Variants in IL17D observed in about 807,000 individuals in gnomAD.
IL17D encodes interleukin-17D.
In IL17D, 10 loss-of-function variants were observed where a neutral mutation model predicts 5.7. The ratio of observed to expected loss-of-function variants is 1.75; its 90% CI spans 1.08 to 2.97. The LOEUF (loss-of-function observed/expected upper bound fraction) is 2.97, where lower values mean the gene tolerates loss of function less well. Among genes scored for constraint, IL17D ranks in the 30% most tolerant of loss-of-function variants. The pLI, the probability that IL17D is intolerant of heterozygous loss-of-function variation, is 0.00. For missense variants in IL17D, 354 were observed against 292.7 expected (o/e 1.21, Z -1.53); for synonymous variants, 172 against 141.7 (o/e 1.21, Z -1.52).
chr13:20,722,126 G>A lies in IL17D; in HGVS notation c.*172G>A. The A allele has an allele frequency of 1.7e-6, 1 of 586,380 alleles. No individual in the cohort carries two copies. Among genetic ancestry groups the A allele is most frequent in the South Asian group, 2.3e-5 (1 of 43,232 alleles). The allele number at this position is 586,380 out of a possible 1,614,324, so 36.3% of individuals were successfully genotyped here. A position where few individuals can be genotyped will look rare whatever the true frequency, so the allele number is the denominator to read the frequency against. On this transcript the variant is annotated 3_prime_UTR_variant, in exon 2 of 2. Coordinates refer to ENST00000682841, the MANE Select transcript of IL17D (RefSeq NM_001385224.1). ...CTCGTAAGCAGCTTCATCTGACACG[G>A]GCATCCCTGGCTTGCTTTTAGCTAC...
Position 20,707,270 on chromosome 13 carries a change from C to T in IL17D, c.290+2979C>T, listed in dbSNP as rs746688076. Reference sequence around the variant, plus strand: ...CTTGAGCCCAGGAGTTTGAGACCAGCCTGGGCAACATAGTATGAGACTTAT... The same window carrying T: ...CTTGAGCCCAGGAGTTTGAGACCAGTCTGGGCAACATAGTATGAGACTTAT... On this transcript the variant is annotated intron_variant, in intron 1 of 1. Coordinates refer to ENST00000682841, the MANE Select transcript of IL17D (RefSeq NM_001385224.1). Among the ~76,000 whole-genome samples the T allele has an allele frequency of 1.6e-3, 241 of 151,860 alleles. 1 individual carries two copies. The highest frequency in any genetic ancestry group is 5.6e-3 in the African/African-American group (231 of 41,396).
At chr13:20,701,902 C>T (rs538000598), upstream of IL17D, 1 of 152,290 alleles carries the variant, frequency 6.6e-6, no homozygotes, top group African/African-American at 2.4e-5. Context: ...CTTCCCACTT[C>T]CAAGGTAATC....
At chr13:20,711,724 T>C (rs1450951192) in intron 1 of IL17D, among the ~76,000 whole-genome samples, 1 of 152,156 alleles carries the variant, frequency 6.6e-6, no homozygotes, top group Non-Finnish European at 1.5e-5. Flanking sequence ...AGAACCCAAG[T>C]ACCAGAATTT....
Position 20,704,154 on chromosome 13 carries a change from C to A in IL17D, c.153C>A (p.Leu51=). The part of the protein sequence containing the change: ...QLYGRLAAGV[L]SAFHHTLQLG... ...ACGGGCGCCTGGCGGCCGGCGTGCTCAGTGCCTTCCACCACACGCTGCAGC... is the reference window on the plus strand; with the variant it reads ...ACGGGCGCCTGGCGGCCGGCGTGCTAAGTGCCTTCCACCACACGCTGCAGC... Residue 51 remains leucine (L), a synonymous_variant, in exon 1 of 2, where the codon CTC becomes CTA. Transcript: ENST00000682841. 7.3e-7 allele frequency: 1 copy of A among 1,364,780 alleles called. No homozygotes were observed. The highest frequency in any genetic ancestry group is 9.5e-7 in the Non-Finnish European group (1 of 1,050,448). The allele number at this position is 1,364,780 out of a possible 1,614,324, so 84.5% of individuals were successfully genotyped here. A position where few individuals can be genotyped will look rare whatever the true frequency, so the allele number is the denominator to read the frequency against.
At chr13:20,718,935 C>G (rs2058709055) in intron 1 of IL17D, among the ~76,000 whole-genome samples, 1 of 149,298 alleles carries the variant, frequency 6.7e-6, no homozygotes, top group African/African-American at 2.5e-5. Flanking sequence ...CACACCTGCC[C>G]ACGCTCACAC....
upstream of IL17D, chr13:20,701,972 T>G (rs2058550354): frequency 6.6e-6 from 1 of 152,200 alleles, no homozygotes; most frequent in Non-Finnish European, 1.5e-5. Flanking sequence ...AAATACTTTG[T>G]TGAATAACAT....
chr13:20,713,617 A>G (rs149700099), intron 1 of IL17D: 11 of 152,372 alleles, frequency 7.2e-5, no homozygotes, highest in African/African-American at 2.2e-4. Context: ...TTCTTAGAGT[A>G]ACCAGGGATG....
At chr13:20,719,007 C>A (rs2058710183) in intron 1 of IL17D, among the ~76,000 whole-genome samples, 1 of 145,864 alleles carries the variant, frequency 6.9e-6, no homozygotes, top group South Asian at 2.2e-4. Flanking sequence ...CACACATGCC[C>A]ATGCTCACAC....
chr13:20,719,536 C>T (rs776583084), intron 1 of IL17D, among the ~76,000 whole-genome samples: 7 of 152,332 alleles, frequency 4.6e-5, no homozygotes, highest in Non-Finnish European at 8.8e-5. Context: ...TCTGTATTGT[C>T]CCATAAATGA....
Position 20,722,030 on chromosome 13 carries a change from T to C in IL17D, c.*76T>C. Reference sequence around the variant, plus strand: ...AGCTGGAGCCGCCTGGAGGGCTCGGTCGGCGACCTCTGAAGAGAGTGCACC... The same window carrying C: ...AGCTGGAGCCGCCTGGAGGGCTCGGCCGGCGACCTCTGAAGAGAGTGCACC... On this transcript the variant is annotated 3_prime_UTR_variant, in exon 2 of 2. Transcript: ENST00000682841. 7.8e-7 allele frequency: 1 copy of C among 1,275,700 alleles called. No homozygotes were observed. The highest frequency in any genetic ancestry group is 1.1e-6 in the Non-Finnish European group (1 of 948,676). 79.0% of individuals were successfully genotyped at this position (1,275,700 alleles called of 1,614,324 possible).
At chr13:20,718,369 C>T (rs1228210512) in intron 1 of IL17D, among the ~76,000 whole-genome samples, 2 of 152,084 alleles carry the variant, frequency 1.3e-5, no homozygotes, top group Non-Finnish European at 2.9e-5. Flanking sequence ...CAGATGCCCA[C>T]GCTCACACGC....
intron 1 of IL17D, among the ~76,000 whole-genome samples, chr13:20,709,589 G>C (rs150492134): frequency 2.0e-5 from 3 of 152,152 alleles, no homozygotes; most frequent in Non-Finnish European, 4.4e-5. Context: ...TGTGTTCAGC[G>C]CCTACACATA....
chr13:20,718,666 ACGCT>A (rs1222645059), intron 1 of IL17D, among the ~76,000 whole-genome samples: 1 of 80,996 alleles, frequency 1.2e-5, no homozygotes, highest in Non-Finnish European at 2.3e-5. Context: ...TTACATGCCC[ACGCT>A]CACACACACC....
At chr13:20,705,146 G>T (rs1309932550) in intron 1 of IL17D, among the ~76,000 whole-genome samples, 1 of 152,176 alleles carries the variant, frequency 6.6e-6, no homozygotes, top group Non-Finnish European at 1.5e-5. Flanking sequence ...CTGCCCTAGG[G>T]GGCAAGGCCT....
At chr13:20,703,441 C>T (rs1306077763), upstream of IL17D, 82 of 985,110 alleles carry the variant, frequency 8.3e-5, no homozygotes, top group Non-Finnish European at 9.5e-5. Flanking sequence ...GTCCGAGTCC[C>T]CGGGTACGAG....
intron 1 of IL17D, among the ~76,000 whole-genome samples, chr13:20,707,440 CAAAAAAAAAAA>C (rs57118714): frequency 1.1e-4 from 8 of 75,832 alleles, no homozygotes; most frequent in African/African-American, 3.6e-4. Context: ...GAACTTGTCT[CAAAAAAAAAAA>C]AAAAAAAAAA....
intron 1 of IL17D, among the ~76,000 whole-genome samples, chr13:20,715,686 A>C (rs2058673640): frequency 6.6e-6 from 1 of 152,154 alleles, no homozygotes; most frequent in Non-Finnish European, 1.5e-5. Context: ...ATTTGCATTA[A>C]AAATTTTTTT....
chr13:20,721,982 C>CA lies in IL17D; in HGVS notation c.*28_*29insA. On this transcript the variant is annotated 3_prime_UTR_variant, in exon 2 of 2. Coordinates refer to ENST00000682841, the MANE Select transcript of IL17D (RefSeq NM_001385224.1). ...CCGGTCCTGCCCCGGGAGGTCTCCC[C>CA]GGCCCGCATCCCGAGGCGCCCAAGC... 6.5e-7 allele frequency: 1 copy of CA among 1,528,012 alleles called. No homozygotes were observed. The highest frequency in any genetic ancestry group is 8.7e-7 in the Non-Finnish European group (1 of 1,143,686). 94.7% of individuals were successfully genotyped at this position (1,528,012 alleles called of 1,614,324 possible).
intron 1 of IL17D, among the ~76,000 whole-genome samples, chr13:20,719,868 G>A (rs965576861): frequency 1.3e-5 from 2 of 152,188 alleles, no homozygotes; most frequent in Non-Finnish European, 1.5e-5. Flanking sequence ...AGTGGAAGTG[G>A]CTGGCTTCAT....
Sources: gnomAD v4.1 joint callset for allele counts (sites outside exome capture counted in the v4.1 genomes callset) on GRCh38, gnomAD v4.1.1 for gene constraint, MANE v1.5 for transcripts, NCBI Gene and HGNC (gene_info 2026-07-23, HGNC 2026-07-21) for gene names.